The following CAPZA1 variants were observed in gnomAD, a reference collection of about 807,000 sequenced individuals.
CAPZA1 encodes the protein capping actin protein of muscle Z-line subunit alpha 1.
A neutral mutation model predicts 40.8 loss-of-function variants in CAPZA1; 10 were observed. The observed-to-expected ratio is 0.25, with a 90% CI of 0.15 to 0.42. The LOEUF is 0.42. CAPZA1 is among the 10% of genes least tolerant of loss of function. CAPZA1 has a pLI of 1.00. For synonymous variants in CAPZA1, 98 were observed against 115.0 expected (o/e 0.85, Z 0.95); for missense variants, 277 against 353.8 (o/e 0.78, Z 1.74).
At chr1:112,661,484 C>T (rs1361950171) in intron 7 of CAPZA1, among the ~76,000 whole-genome samples, 1 of 152,178 alleles carries the variant, frequency 6.6e-6, no homozygotes. Flanking sequence ...TTGTGAGATT[C>T]GCTCCTGAAT....
intron 5 of CAPZA1, among the ~76,000 whole-genome samples, chr1:112,658,356 G>C (rs756944965): frequency 3.3e-5 from 5 of 152,012 alleles, no homozygotes; most frequent in Non-Finnish European, 7.4e-5. Context: ...CCCATCATTT[G>C]CAATATACTG....
At chr1:112,620,051 G>A (rs768770546) in intron 1 of CAPZA1, 168 bp downstream of exon 1, 6 of 572,656 alleles carry the variant, frequency 1.0e-5, no homozygotes, top group Non-Finnish European at 1.9e-5. Context: ...GCTTTCCTCT[G>A]CCTCACGGTG....
At chr1:112,632,758 TAAAAC>T (rs1670944974) in intron 1 of CAPZA1, among the ~76,000 whole-genome samples, 1 of 152,206 alleles carries the variant, frequency 6.6e-6, no homozygotes, top group Admixed American at 6.5e-5. Context: ...TTGCTCTACT[TAAAAC>T]TAACTTGCCT....
At chr1:112,625,667 T>C (rs1189019186) in intron 1 of CAPZA1, among the ~76,000 whole-genome samples, 1 of 152,196 alleles carries the variant, frequency 6.6e-6, no homozygotes, top group African/African-American at 2.4e-5. Flanking sequence ...CCCCATAATC[T>C]TGCCTTGACC....
chr1:112,627,045 T>A lies in CAPZA1; in HGVS notation c.39+7162T>A, dbSNP rs12130243. ...ACCATGTATTTATCTCACAACATCC[T>A]TATAGGACAGATACTTATGCCCATT... On this transcript the variant is annotated intron_variant, in intron 1 of 9. Transcript: ENST00000263168. Among the ~76,000 whole-genome samples the A allele has an allele frequency of 1.1e-4, 17 of 152,272 alleles. No individual in the cohort carries two copies. The South Asian group carries it at 1.4e-3, about 13-fold the overall frequency.
At chr1:112,669,466 A>G (rs751416326) in intron 8 of CAPZA1, 77 bp from the exon 9 acceptor site, 12 of 976,326 alleles carry the variant, frequency 1.2e-5, no homozygotes, top group Non-Finnish European at 2.0e-5. Context: ...GTTAGTTAAG[A>G]TGGACTTACT....
At chr1:112,621,406 C>T (rs1205743504) in intron 1 of CAPZA1, among the ~76,000 whole-genome samples, 1 of 152,102 alleles carries the variant, frequency 6.6e-6, no homozygotes, top group Non-Finnish European at 1.5e-5. Flanking sequence ...CACCCGCCAC[C>T]AAGTCCAGCT....
At chr1:112,633,101 A>G (rs778040756) in intron 1 of CAPZA1, among the ~76,000 whole-genome samples, 11 of 152,242 alleles carry the variant, frequency 7.2e-5, no homozygotes, top group Non-Finnish European at 1.3e-4. Flanking sequence ...ACTTTTATTT[A>G]GTGAAACCAG....
chr1:112,625,465 G>A (rs1393992900), intron 1 of CAPZA1, among the ~76,000 whole-genome samples: 3 of 152,186 alleles, frequency 2.0e-5, no homozygotes, highest in Non-Finnish European at 2.9e-5. Flanking sequence ...TGAATTAAGA[G>A]TGGCAAATGC....
At position 112,632,014 on chromosome 1, in the gene CAPZA1, AATT is replaced by A. The variant is rs575806171; in HGVS notation, c.39+12137_39+12139del. ...TAAAACAGTAAAGAAGACTATTCAA[AATT>A]ATTATGGCCAGGTGTGGTGGCTCAT... On this transcript the variant is annotated intron_variant, in intron 1 of 9. Coordinates refer to ENST00000263168, the MANE Select transcript of CAPZA1 (RefSeq NM_006135.3). Among the ~76,000 whole-genome samples, 138 of 152,334 alleles carry A rather than the reference AATT, an allele frequency of 9.1e-4. 1 individual carries two copies. The highest frequency in any genetic ancestry group is 3.2e-3 in the African/African-American group (133 of 41,572).
intron 1 of CAPZA1, among the ~76,000 whole-genome samples, chr1:112,641,383 A>G (rs1415843051): frequency 3.9e-5 from 6 of 152,166 alleles, no homozygotes; most frequent in Non-Finnish European, 1.5e-5. Context: ...TTTAGTAGCT[A>G]TACATAGGTG....
At chr1:112,657,005 G>C (rs537732292) in intron 5 of CAPZA1, among the ~76,000 whole-genome samples, 9 of 151,416 alleles carry the variant, frequency 5.9e-5, no homozygotes, top group African/African-American at 2.2e-4. Flanking sequence ...GGGTTCAAGC[G>C]ATTCTCCTGC....
chr1:112,661,601 C>T lies in CAPZA1; in HGVS notation c.585+1822C>T, dbSNP rs144880912. Among the ~76,000 whole-genome samples the T allele has an allele frequency of 1.2e-3, 185 of 152,320 alleles. 1 individual carries two copies. The highest frequency in any genetic ancestry group is 4.1e-3 in the African/African-American group (171 of 41,568). ...TTAACAAAATATCTTAGTAGCCTAG[C>T]GCTCTAGATCTCTTGTAACTGTGGC... On this transcript the variant is annotated intron_variant, in intron 7 of 9. Transcript: ENST00000263168.
At position 112,663,110 on chromosome 1, in the gene CAPZA1, G is replaced by A. The variant is rs183313122; in HGVS notation, c.585+3331G>A. On this transcript the variant is annotated intron_variant, in intron 7 of 9. Transcript: ENST00000263168. ...CTCCCAAGTAGCTGGGCGTACAGGC[G>A]CATGCCACCACGCCCAGCTAATTTT... 9.6e-4 allele frequency among the ~76,000 whole-genome samples: 146 copies of A among 151,902 alleles called. 1 individual carries two copies. Among genetic ancestry groups the A allele is most frequent in the African/African-American group, 3.2e-3 (134 of 41,454 alleles).
intron 1 of CAPZA1, among the ~76,000 whole-genome samples, chr1:112,631,642 G>T (rs774454614): frequency 3.3e-5 from 5 of 152,020 alleles, no homozygotes; most frequent in Non-Finnish European, 5.9e-5. Flanking sequence ...GGTTCTCACC[G>T]CCGAACTTTA....
intron 9 of CAPZA1, 145 bp downstream of exon 9, chr1:112,669,750 G>A (rs779548224): frequency 1.3e-6 from 1 of 780,332 alleles, no homozygotes; most frequent in Non-Finnish European, 2.1e-6. Flanking sequence ...GACCTTCCAA[G>A]TTGGCATTCT....
chr1:112,666,952 T>C (rs1671734874), intron 7 of CAPZA1, 122 bp from the exon 8 acceptor site: 1 of 609,268 alleles, frequency 1.6e-6, no homozygotes, highest in Admixed American at 3.1e-5. Flanking sequence ...TATTAATTAT[T>C]TGTTCAGAGT....
rs1437907362 is a variant in CAPZA1, at chr1:112,670,223, AT to A, written c.*95del. ...TAAGTGATTTATAAACAAGAGTGAT[AT>A]TTTGCTAGGGCTTTCAAAGTTAACC... On this transcript the variant is annotated 3_prime_UTR_variant, in exon 10 of 10. Transcript: ENST00000263168. 9 of 1,480,760 alleles carry A rather than the reference AT, an allele frequency of 6.1e-6. No homozygotes were observed. The highest frequency in any genetic ancestry group is 5.6e-5 in the African/African-American group (4 of 71,492). The allele number at this position is 1,480,760 out of a possible 1,614,324, so 91.7% of individuals were successfully genotyped here.
At chr1:112,657,380 T>G (rs981878362) in intron 5 of CAPZA1, among the ~76,000 whole-genome samples, 2 of 152,192 alleles carry the variant, frequency 1.3e-5, no homozygotes, top group African/African-American at 4.8e-5. Context: ...CTTTGCCTGC[T>G]AATGCCATTT....
Sources: allele counts gnomAD v4.1 joint callset (sites outside exome capture counted in the v4.1 genomes callset), GRCh38; gene constraint gnomAD v4.1.1; transcripts MANE v1.5; gene names NCBI Gene and HGNC (gene_info 2026-07-23, HGNC 2026-07-21).